The following EMB variants were observed in gnomAD, a reference collection of about 807,000 sequenced individuals.
EMB encodes the protein embigin homolog.
A neutral mutation model predicts 41.4 loss-of-function variants in EMB; 31 were observed. That is an observed-to-expected ratio of 0.75 (90% CI 0.56 to 1.01). The LOEUF is 1.01. EMB is among the 50% of genes least tolerant of loss of function. The pLI is 0.00. For synonymous variants in EMB, 137 were observed against 140.4 expected, an observed-to-expected ratio of 0.98 and a Z score of 0.17; for missense variants, 379 against 388.3, an observed-to-expected ratio of 0.98 and a Z score of 0.20.
At chr5:50,442,969 C>G (rs1745938469), upstream of EMB, 1 of 152,118 alleles carries the variant, frequency 6.6e-6, no homozygotes, top group Admixed American at 6.5e-5. Context: ...GATGCTGATC[C>G]CCACTGTTGC....
chr5:50,412,741 T>C (rs1745363155), intron 2 of EMB, among the ~76,000 whole-genome samples: 1 of 152,064 alleles, frequency 6.6e-6, no homozygotes, highest in South Asian at 2.1e-4. Flanking sequence ...GAGCCTGAAA[T>C]TGTAGAGAAT....
Position 50,405,773 on chromosome 5 carries a change from A to T in EMB, c.552T>A (p.Asn184Lys). The T allele has an allele frequency of 6.2e-7, 1 of 1,607,160 alleles. No individual in the cohort carries two copies. The highest frequency in any genetic ancestry group is 1.1e-5 in the South Asian group (1 of 89,990). The change falls in exon 5 of 9, where the codon AAT becomes AAA. Residue 184 changes from asparagine to lysine, a missense_variant. Transcript: ENST00000303221. ...DSTVLTCKCQ[N>K]CFPLNWTWYS... is the part of the protein sequence containing the mutation. ...ACCAGGTCCAATTTAAAGGAAAACA[A>T]TTTTGACATTTACATGTCAAGACAG...
rs534653092 is a variant in EMB, at chr5:50,419,890, G to A, written c.196+8254C>T. Among the ~76,000 whole-genome samples the A allele has an allele frequency of 6.6e-5, 10 of 152,268 alleles. No individual in the cohort carries two copies. In the South Asian group the frequency reaches 1.0e-3, roughly 16 times the overall value. ...TCATGTCCTTTGCAGGGACATGGAC[G>A]AAGCTGGAAGTCATTATCCTCAGCA... On this transcript the variant is annotated intron_variant, in intron 2 of 8. Coordinates refer to ENST00000303221, the MANE Select transcript of EMB (RefSeq NM_198449.3).
At chr5:50,431,951 A>G (rs1415885939) in intron 1 of EMB, among the ~76,000 whole-genome samples, 30 of 152,216 alleles carry the variant, frequency 2.0e-4, no homozygotes, top group Non-Finnish European at 1.5e-4. Context: ...TTCACATATT[A>G]TATTTTAAAA....
chr5:50,428,112 G>C, intron 2 of EMB, 32 bp downstream of exon 2: 1 of 1,489,490 alleles, frequency 6.7e-7, no homozygotes, highest in Non-Finnish European at 9.2e-7. Context: ...CCTTTTTTTC[G>C]AATTGCATTA....
chr5:50,404,156 T>A (rs965602106), intron 5 of EMB, among the ~76,000 whole-genome samples: 1 of 152,006 alleles, frequency 6.6e-6, no homozygotes, highest in Non-Finnish European at 1.5e-5. Context: ...AATTAAATTT[T>A]ATTCCCAAGC....
Position 50,441,179 on chromosome 5 carries a change from G to C in EMB, c.-28C>G. The C allele has an allele frequency of 8.2e-6, 11 of 1,346,550 alleles. No homozygotes were observed. The highest frequency in any genetic ancestry group is 1.1e-5 in the Non-Finnish European group (11 of 1,026,396). 83.4% of individuals were successfully genotyped at this position (1,346,550 alleles called of 1,614,324 possible). A position where few individuals can be genotyped will look rare whatever the true frequency, so the allele number is the denominator to read the frequency against. ...CGCCAGAGGGTCCGCCTGGGTCCTC[G>C]TGGAGACTGCTCCCTCAGCTCGCCG... On this transcript the variant is annotated 5_prime_UTR_variant, in exon 1 of 9. Coordinates refer to ENST00000303221, the MANE Select transcript of EMB (RefSeq NM_198449.3).
intron 2 of EMB, among the ~76,000 whole-genome samples, chr5:50,422,452 T>C (rs1206720551): frequency 2.0e-5 from 3 of 152,170 alleles, no homozygotes; most frequent in Non-Finnish European, 2.9e-5. Context: ...AATGTAACAG[T>C]AGAGAAACAG....
chr5:50,433,123 A>G (rs1236241736), intron 1 of EMB, among the ~76,000 whole-genome samples: 3 of 152,142 alleles, frequency 2.0e-5, no homozygotes, highest in East Asian at 1.9e-4. Context: ...GGGAACATTT[A>G]TAAGTCAGAC....
chr5:50,424,389 C>T (rs192455151), intron 2 of EMB, among the ~76,000 whole-genome samples: 12 of 152,184 alleles, frequency 7.9e-5, no homozygotes, highest in African/African-American at 2.2e-4. Context: ...GGAACATATG[C>T]GCTTCTCTGA....
At chr5:50,419,971 C>A (rs1351725651) in intron 2 of EMB, among the ~76,000 whole-genome samples, 1 of 152,016 alleles carries the variant, frequency 6.6e-6, no homozygotes, top group Non-Finnish European at 1.5e-5. Context: ...TAAGTGGGAG[C>A]TGAACAATAA....
intron 2 of EMB, 113 bp from the exon 3 acceptor site, chr5:50,411,496 T>A (rs1745337805): frequency 1.4e-6 from 1 of 727,748 alleles, no homozygotes; most frequent in South Asian, 2.9e-5. Context: ...TAATGTAACA[T>A]TCATTTGAAG....
chr5:50,424,504 G>A (rs1284219323), intron 2 of EMB, among the ~76,000 whole-genome samples: 2 of 152,184 alleles, frequency 1.3e-5, no homozygotes, highest in Non-Finnish European at 2.9e-5. Flanking sequence ...TACAGAGTGT[G>A]AGGTCCTGTG....
At chr5:50,411,140 A>G (rs1200637268) in intron 3 of EMB, 57 bp downstream of exon 3, 2 of 1,464,910 alleles carry the variant, frequency 1.4e-6, no homozygotes, top group Admixed American at 2.2e-5. Flanking sequence ...GTCAGCAAAA[A>G]TATTTAGAAT....
chr5:50,428,554 G>T (rs1561139358), intron 1 of EMB: 12 of 999,372 alleles, frequency 1.2e-5, no homozygotes, highest in Non-Finnish European at 1.4e-5. Flanking sequence ...CAAGGAATCA[G>T]ATGAGAGAGC....
chr5:50,427,450 C>G (rs1440232406), intron 2 of EMB, among the ~76,000 whole-genome samples: 2 of 151,656 alleles, frequency 1.3e-5, no homozygotes, highest in African/African-American at 2.4e-5. Context: ...AAATTAATGA[C>G]AAATCTTTGT....
intron 4 of EMB, among the ~76,000 whole-genome samples, chr5:50,408,658 C>A (rs995464488): frequency 3.3e-5 from 5 of 151,962 alleles, no homozygotes; most frequent in African/African-American, 1.2e-4. Context: ...ATAAAACAGT[C>A]TTTTCATCTA....
Position 50,441,028 on chromosome 5 carries a change from T to C in EMB, c.112+12A>G, listed in dbSNP as rs565599692. The C allele has an allele frequency of 6.8e-7, 1 of 1,475,994 alleles. No homozygotes were observed. The highest frequency in any genetic ancestry group is 9.0e-7 in the Non-Finnish European group (1 of 1,109,374). 91.4% of individuals were successfully genotyped at this position (1,475,994 alleles called of 1,614,324 possible). ...TCCGCCCTCCCTACCCTGGACCCTG[T>C]ACCCATCACACCTGGGGCACTGCCG... is the stretch of plus-strand genomic sequence containing the variant. On this transcript the variant is annotated intron_variant, in intron 1 of 8. Coordinates refer to ENST00000303221, the MANE Select transcript of EMB (RefSeq NM_198449.3).
chr5:50,409,262 C>T (rs992845712), intron 4 of EMB, among the ~76,000 whole-genome samples: 4 of 151,908 alleles, frequency 2.6e-5, no homozygotes, highest in African/African-American at 9.7e-5. Context: ...TCACATTAGA[C>T]ACAAGAATGG....
Sources: gnomAD v4.1 joint callset for allele counts (sites outside exome capture counted in the v4.1 genomes callset) on GRCh38, gnomAD v4.1.1 for gene constraint, MANE v1.5 for transcripts, NCBI Gene and HGNC (gene_info 2026-07-23, HGNC 2026-07-21) for gene names.